EPSTI1: variants seen among roughly 807,000 people sequenced by gnomAD.
EPSTI1 encodes the protein epithelial stromal interaction 1.
In EPSTI1, 66 loss-of-function variants were observed where a neutral mutation model predicts 49.9. The ratio of observed to expected loss-of-function variants is 1.32; its 90% CI spans 1.08 to 1.62. EPSTI1 has a LOEUF of 1.62. EPSTI1 is among the 40% of genes most tolerant of loss of function. The pLI, the probability that EPSTI1 is intolerant of heterozygous loss-of-function variation, is 0.00. For missense variants in EPSTI1, 394 were observed against 365.5 expected, an observed-to-expected ratio of 1.08 and a Z score of -0.64; for synonymous variants, 137 against 130.7, an observed-to-expected ratio of 1.05 and a Z score of -0.33.
At chr13:42,932,855 C>A (rs1367321717) in intron 6 of EPSTI1, among the ~76,000 whole-genome samples, 9 of 152,180 alleles carry the variant, frequency 5.9e-5, no homozygotes. Flanking sequence ...ATGCGATGCA[C>A]TGAGAAGGAC....
At chr13:42,980,353 C>T (rs1566179340) in intron 1 of EPSTI1, among the ~76,000 whole-genome samples, 1 of 152,060 alleles carries the variant, frequency 6.6e-6, no homozygotes, top group East Asian at 1.9e-4. Context: ...TCTCATGCTG[C>T]TAATAAAGAC....
At chr13:42,971,163 CTCT>C (rs567627649) in intron 1 of EPSTI1, among the ~76,000 whole-genome samples, 20 of 152,318 alleles carry the variant, frequency 1.3e-4, no homozygotes, top group South Asian at 1.0e-3. Flanking sequence ...GTCCACTGGT[CTCT>C]TCTTCTCCTA....
intron 8 of EPSTI1, among the ~76,000 whole-genome samples, chr13:42,911,301 A>G (rs76338060): frequency 0.021 from 2,447 of 118,216 alleles, 34 homozygotes; most frequent in Non-Finnish European, 0.032. Context: ...GAGTGTGCAC[A>G]TGCTTCCTTT....
intron 6 of EPSTI1, among the ~76,000 whole-genome samples, chr13:42,953,001 A>G (rs963185157): frequency 6.6e-6 from 1 of 152,192 alleles, no homozygotes; most frequent in African/African-American, 2.4e-5. Flanking sequence ...AGGAACAACA[A>G]TGGAGTGAGA....
chr13:42,981,621 C>T (rs770409001), intron 1 of EPSTI1, among the ~76,000 whole-genome samples: 13 of 152,142 alleles, frequency 8.5e-5, no homozygotes, highest in Non-Finnish European at 1.2e-4. Context: ...TAATTTCTAC[C>T]GTCCTGCACA....
At chr13:42,955,021 A>G (rs1387650385) in intron 5 of EPSTI1, among the ~76,000 whole-genome samples, 2 of 152,340 alleles carry the variant, frequency 1.3e-5, no homozygotes, top group East Asian at 3.9e-4. Flanking sequence ...AAAACTAATT[A>G]CTAGTCCCAT....
chr13:42,890,215 CCTAT>C (rs2036989010), intron 10 of EPSTI1, among the ~76,000 whole-genome samples: 1 of 152,084 alleles, frequency 6.6e-6, no homozygotes, highest in South Asian at 2.1e-4. Context: ...AGAGCTCATT[CCTAT>C]CTATTAACAA....
At chr13:42,947,708 T>G (rs2038960222) in intron 6 of EPSTI1, among the ~76,000 whole-genome samples, 1 of 152,174 alleles carries the variant, frequency 6.6e-6, no homozygotes, top group Non-Finnish European at 1.5e-5. Context: ...GAGCAGTTTT[T>G]CCTATGACGT....
At chr13:42,910,879 A>T (rs1412449235) in intron 8 of EPSTI1, among the ~76,000 whole-genome samples, 2 of 152,168 alleles carry the variant, frequency 1.3e-5, no homozygotes, top group African/African-American at 4.8e-5. Flanking sequence ...TAGTTTTAGT[A>T]TTTCACCACT....
At chr13:42,956,747 G>A (rs151030483) in intron 5 of EPSTI1, among the ~76,000 whole-genome samples, 15 of 152,260 alleles carry the variant, frequency 9.9e-5, no homozygotes, top group Middle Eastern at 3.4e-3. Flanking sequence ...AGAACTTAAC[G>A]TTTTTAATAT....
rs770873975 is a variant in EPSTI1, at chr13:42,917,530, C to T, written c.741+11G>A. The T allele has an allele frequency of 3.8e-6, 6 of 1,569,986 alleles. No individual in the cohort carries two copies. In the East Asian group the frequency reaches 1.2e-4, roughly 31 times the overall value. On this transcript the variant is annotated intron_variant, in intron 8 of 10. Transcript: ENST00000313624. The stretch of plus-strand genomic sequence containing the variant: ...AACAGTTAGCAATAACTAGTAGGGG[C>T]TTGTAAGTACCTTTTGATGTTGTTC...
chr13:42,981,174 G>A (rs1335222621), intron 1 of EPSTI1, among the ~76,000 whole-genome samples: 3 of 152,134 alleles, frequency 2.0e-5, no homozygotes, highest in South Asian at 4.1e-4. Flanking sequence ...ATCATCAGCC[G>A]ATTCTCTGAT....
chr13:42,924,481 G>A (rs2038112107), intron 7 of EPSTI1, among the ~76,000 whole-genome samples: 1 of 152,200 alleles, frequency 6.6e-6, no homozygotes, highest in Non-Finnish European at 1.5e-5. Context: ...AGTTCTGCCA[G>A]GTGTTCCACA....
chr13:42,944,092 A>G (rs1276099480), intron 6 of EPSTI1, among the ~76,000 whole-genome samples: 1 of 152,258 alleles, frequency 6.6e-6, no homozygotes, highest in East Asian at 1.9e-4. Context: ...TGGTTCAACC[A>G]TTGTGGAAGA....
intron 8 of EPSTI1, among the ~76,000 whole-genome samples, chr13:42,908,713 T>C (rs1462422072): frequency 1.7e-4 from 26 of 151,992 alleles, no homozygotes; most frequent in Admixed American, 1.7e-3. Flanking sequence ...ATACATCTAA[T>C]AGGGGGTCAG....
At chr13:42,930,109 T>C (rs2038313989) in intron 6 of EPSTI1, among the ~76,000 whole-genome samples, 2 of 152,232 alleles carry the variant, frequency 1.3e-5, no homozygotes, top group East Asian at 1.9e-4. Context: ...TGCATAATTA[T>C]CTTAAGTCTA....
chr13:42,959,966 A>G (rs187531047), intron 5 of EPSTI1, among the ~76,000 whole-genome samples: 52 of 152,316 alleles, frequency 3.4e-4, no homozygotes, highest in African/African-American at 1.2e-3. Flanking sequence ...AACTATTTAC[A>G]CAACATTTAC....
At chr13:42,953,078 C>G (rs2039149943) in intron 6 of EPSTI1, among the ~76,000 whole-genome samples, 2 of 152,014 alleles carry the variant, frequency 1.3e-5, no homozygotes, top group Non-Finnish European at 2.9e-5. Flanking sequence ...CTGGTGGGAC[C>G]AGAAATTTGT....
intron 6 of EPSTI1, among the ~76,000 whole-genome samples, chr13:42,945,026 A>G (rs2038877087): frequency 6.6e-6 from 1 of 152,182 alleles, no homozygotes; most frequent in African/African-American, 2.4e-5. Context: ...TTCAGAGCAA[A>G]GCTCTGCTTC....
Sources: allele counts gnomAD v4.1 joint callset (sites outside exome capture counted in the v4.1 genomes callset), GRCh38; gene constraint gnomAD v4.1.1; transcripts MANE v1.5; gene names NCBI Gene and HGNC (gene_info 2026-07-23, HGNC 2026-07-21).